TAS2R1: variants seen among roughly 807,000 people sequenced by gnomAD.
TAS2R1 encodes taste 2 receptor member 1.
For missense variants in TAS2R1, 370 were observed against 353.4 expected (o/e 1.05, Z -0.38); for synonymous variants, 141 against 134.2 (o/e 1.05, Z -0.35).
chr5:9,798,084 G>A, the TAS2R1 span, among the ~76,000 whole-genome samples: 1 of 152,210 alleles, frequency 6.6e-6, no homozygotes, highest in African/African-American at 2.4e-5. Flanking sequence ...GAACATAAAT[G>A]AGCCTCAAAA....
At chr5:9,785,774 C>A in the TAS2R1 span, among the ~76,000 whole-genome samples, 1 of 152,122 alleles carries the variant, frequency 6.6e-6, no homozygotes, top group Non-Finnish European at 1.5e-5. Flanking sequence ...GGGCACACAG[C>A]GTAGTGGGCA....
At chr5:9,719,945 CAAA>C in the TAS2R1 span, among the ~76,000 whole-genome samples, 1,133 of 124,546 alleles carry the variant, frequency 9.1e-3, 34 homozygotes, top group African/African-American at 0.035. Flanking sequence ...AAAACAAAAA[CAAA>C]AACAAACTAC....
At chr5:9,797,377 TA>T in the TAS2R1 span, among the ~76,000 whole-genome samples, 32 of 152,282 alleles carry the variant, frequency 2.1e-4, no homozygotes, top group African/African-American at 7.7e-4. Flanking sequence ...GGCTGCTTTA[TA>T]GCATGTGGGG....
intron 1 of TAS2R1, among the ~76,000 whole-genome samples, chr5:9,701,981 G>C (rs1161949583): frequency 6.6e-6 from 1 of 152,118 alleles, no homozygotes; most frequent in Non-Finnish European, 1.5e-5. Context: ...ATTTTATGTA[G>C]ATAACAAAAC....
At chr5:9,735,845 T>C in the TAS2R1 span, among the ~76,000 whole-genome samples, 1 of 152,252 alleles carries the variant, frequency 6.6e-6, no homozygotes, top group Non-Finnish European at 1.5e-5. Flanking sequence ...GCCATTATGC[T>C]GCATATGGAG....
chr5:9,769,532 A>T, the TAS2R1 span, among the ~76,000 whole-genome samples: 2 of 152,178 alleles, frequency 1.3e-5, no homozygotes, highest in African/African-American at 4.8e-5. Flanking sequence ...TCTCACTAAC[A>T]ATGTATGAGG....
chr5:9,675,614 A>G (rs1740859957), intron 1 of TAS2R1, among the ~76,000 whole-genome samples: 1 of 151,786 alleles, frequency 6.6e-6, no homozygotes, highest in Non-Finnish European at 1.5e-5. Flanking sequence ...ATGAGGTTTC[A>G]CCATGTTGGC....
chr5:9,672,363 A>G (rs546198175), intron 1 of TAS2R1, among the ~76,000 whole-genome samples: 8 of 152,306 alleles, frequency 5.3e-5, no homozygotes, highest in Admixed American at 5.2e-4. Flanking sequence ...AGAACAGGAG[A>G]AAATATTTGC....
At chr5:9,635,329 G>A, upstream of TAS2R1, among the ~76,000 whole-genome samples, 1 of 152,080 alleles carries the variant, frequency 6.6e-6, no homozygotes. Flanking sequence ...TTTTTGATAT[G>A]CTGTTGAATT....
chr5:9,839,126 G>C, the TAS2R1 span, among the ~76,000 whole-genome samples: 2 of 152,236 alleles, frequency 1.3e-5, no homozygotes, highest in South Asian at 2.1e-4. Flanking sequence ...CTAGGGTAAA[G>C]AGGGCTCTGT....
At chr5:9,751,944 C>G in the TAS2R1 span, among the ~76,000 whole-genome samples, 1 of 152,146 alleles carries the variant, frequency 6.6e-6, no homozygotes, top group Non-Finnish European at 1.5e-5. Flanking sequence ...GCATTAAATA[C>G]TTGGTAGCAC....
At chr5:9,674,049 T>C (rs1322381667) in intron 1 of TAS2R1, among the ~76,000 whole-genome samples, 11 of 152,206 alleles carry the variant, frequency 7.2e-5, no homozygotes, top group African/African-American at 2.7e-4. Context: ...AATCATGACA[T>C]CAGCAATATG....
the TAS2R1 span, among the ~76,000 whole-genome samples, chr5:9,796,851 A>T: frequency 6.6e-6 from 1 of 152,096 alleles, no homozygotes; most frequent in Non-Finnish European, 1.5e-5. Context: ...AAGTTAAATT[A>T]AAAAGCCCTA....
At chr5:9,691,389 T>C (rs753728007) in intron 1 of TAS2R1, among the ~76,000 whole-genome samples, 3 of 152,222 alleles carry the variant, frequency 2.0e-5, no homozygotes, top group African/African-American at 4.8e-5. Context: ...CCTCCAGAAC[T>C]GTGAGAGTAT....
chr5:9,705,638 C>A (rs917810539), intron 1 of TAS2R1, among the ~76,000 whole-genome samples: 9 of 152,116 alleles, frequency 5.9e-5, no homozygotes, highest in Admixed American at 2.0e-4. Context: ...GTGGGCAGAA[C>A]AACTGAGATC....
At chr5:9,891,648 G>A in the TAS2R1 span, among the ~76,000 whole-genome samples, 1 of 152,068 alleles carries the variant, frequency 6.6e-6, no homozygotes, top group Non-Finnish European at 1.5e-5. Context: ...AAAGTAAATT[G>A]AGCAAAAGCC....
the TAS2R1 span, among the ~76,000 whole-genome samples, chr5:9,850,680 G>T: frequency 2.0e-5 from 3 of 152,212 alleles, no homozygotes; most frequent in Admixed American, 6.5e-5. Flanking sequence ...AAATTGCCCT[G>T]CCCCATCCCC....
In TAS2R1 at chr5:9,627,668, C is replaced by T. The variant is rs1451996195; in HGVS notation, c.*1465G>A. ...TTCCCCCATTCAGAAGCAATAATTA[C>T]ACCCAGGATACAACTGATCTTCCCA... is the stretch of plus-strand genomic sequence containing the variant. On this transcript the variant is annotated 3_prime_UTR_variant, in exon 1 of 1. Transcript: ENST00000382492. Among the ~76,000 whole-genome samples the T allele has an allele frequency of 6.6e-6, 1 of 152,206 alleles. No homozygotes were observed. Among genetic ancestry groups the T allele is most frequent in the African/African-American group, 2.4e-5 (1 of 41,446 alleles).
the TAS2R1 span, among the ~76,000 whole-genome samples, chr5:9,835,434 AT>A: frequency 4.6e-5 from 7 of 152,114 alleles, no homozygotes; most frequent in East Asian, 9.7e-4. Context: ...CACCATCCAC[AT>A]TTTTTTTCTT....
Sources: gnomAD v4.1 joint callset for allele counts (sites outside exome capture counted in the v4.1 genomes callset) on GRCh38, gnomAD v4.1.1 for gene constraint, MANE v1.5 for transcripts, NCBI Gene and HGNC (gene_info 2026-07-23, HGNC 2026-07-21) for gene names.